The following TXNL4A variants were observed in gnomAD, a reference collection of about 807,000 sequenced individuals.
The protein encoded by TXNL4A is thioredoxin-like protein 4A.
Under a neutral mutation model 14.6 loss-of-function variants are expected in TXNL4A, and 17 were observed. The observed-to-expected ratio is 1.16, with a 90% CI of 0.80 to 1.74. The LOEUF (loss-of-function observed/expected upper bound fraction) is 1.74. TXNL4A is among the 40% of genes most tolerant of loss of function. TXNL4A has a pLI of 0.00. For missense variants in TXNL4A, 74 were observed against 195.2 expected (o/e 0.38, Z 3.70); for synonymous variants, 83 against 70.6 (o/e 1.18, Z -0.88).
chr18:80,008,410 C>T (rs1391724467), intron 1 of TXNL4A, among the ~76,000 whole-genome samples: 9 of 152,046 alleles, frequency 5.9e-5, no homozygotes, highest in African/African-American at 2.2e-4. Flanking sequence ...GCCTCCTCCG[C>T]ATTCTCCTCT....
chr18:80,015,431 T>A (rs971724808), intron 1 of TXNL4A, among the ~76,000 whole-genome samples: 3 of 151,508 alleles, frequency 2.0e-5, no homozygotes, highest in Non-Finnish European at 2.9e-5. Flanking sequence ...TACATATGTA[T>A]ACATGTGCCA....
chr18:80,016,738 C>T (rs1453388669), intron 1 of TXNL4A, among the ~76,000 whole-genome samples: 1 of 150,848 alleles, frequency 6.6e-6, no homozygotes, highest in African/African-American at 2.4e-5. Flanking sequence ...GTTTTGGTAC[C>T]AGTACCATGC....
intron 1 of TXNL4A, among the ~76,000 whole-genome samples, chr18:80,028,759 G>C (rs2051901548): frequency 6.6e-6 from 1 of 152,206 alleles, no homozygotes; most frequent in East Asian, 1.9e-4. Context: ...ACTGACAGCT[G>C]CTATGCTTCT....
chr18:80,000,088 A>T (rs931482602), intron 1 of TXNL4A, among the ~76,000 whole-genome samples: 1 of 152,214 alleles, frequency 6.6e-6, no homozygotes, highest in Non-Finnish European at 1.5e-5. Context: ...ACGGAGTAAT[A>T]CAGTAAATTG....
chr18:79,986,981 G>A lies in TXNL4A; in HGVS notation c.153+1259C>T, dbSNP rs374449884. On this transcript the variant is annotated intron_variant, in intron 1 of 2. Coordinates refer to ENST00000269601, the MANE Select transcript of TXNL4A (RefSeq NM_006701.5). ...CGTGTGAGAGAACTGCTGCTCTCCCGAATTCCCTAGGTCCCTCCTCAAGTC... is the reference window on the plus strand; with the variant it reads ...CGTGTGAGAGAACTGCTGCTCTCCCAAATTCCCTAGGTCCCTCCTCAAGTC... 7.2e-5 allele frequency among the ~76,000 whole-genome samples: 11 copies of A among 152,278 alleles called. No individual in the cohort carries two copies. In the East Asian group the frequency reaches 2.1e-3, roughly 29 times the overall value.
At chr18:79,985,933 C>G (rs1405886333) in intron 1 of TXNL4A, 1 of 152,130 alleles carries the variant, frequency 6.6e-6, no homozygotes, top group Non-Finnish European at 1.5e-5. Context: ...TCAAAAATTT[C>G]TGTTGAGCTT....
intron 1 of TXNL4A, among the ~76,000 whole-genome samples, chr18:80,028,335 T>C (rs564203665): frequency 1.3e-5 from 2 of 149,752 alleles, no homozygotes; most frequent in African/African-American, 5.0e-5. Flanking sequence ...GAGACCCTTC[T>C]AAACTCTCAT....
At chr18:80,001,621 G>C (rs575670238) in intron 1 of TXNL4A, among the ~76,000 whole-genome samples, 33 of 152,348 alleles carry the variant, frequency 2.2e-4, no homozygotes, top group African/African-American at 7.7e-4. Flanking sequence ...GTGTGACCCG[G>C]ATGTGAGACA....
chr18:79,988,801 T>C (rs2051600368), upstream of TXNL4A, among the ~76,000 whole-genome samples: 1 of 150,746 alleles, frequency 6.6e-6, no homozygotes, highest in African/African-American at 2.4e-5. Flanking sequence ...CGCCGTGCCC[T>C]GCCCCCACGC....
chr18:80,012,227 G>A (rs1451916932), intron 1 of TXNL4A, among the ~76,000 whole-genome samples: 2 of 152,210 alleles, frequency 1.3e-5, no homozygotes, highest in African/African-American at 2.4e-5. Flanking sequence ...GCTACTGCAT[G>A]TCCTATTCCT....
intron 1 of TXNL4A, among the ~76,000 whole-genome samples, chr18:79,999,691 A>G (rs767938529): frequency 6.6e-6 from 1 of 152,226 alleles, no homozygotes; most frequent in Non-Finnish European, 1.5e-5. Context: ...GCCCCAATCC[A>G]GAAAATGACC....
At chr18:80,030,121 A>C (rs952409024) in intron 1 of TXNL4A, among the ~76,000 whole-genome samples, 8 of 152,126 alleles carry the variant, frequency 5.3e-5, no homozygotes, top group African/African-American at 1.9e-4. Flanking sequence ...GTGGATTGTA[A>C]CTCCCACCAA....
chr18:79,977,768 A>G, intron 1 of TXNL4A, 67 bp from the exon 2 acceptor site: 2 of 1,086,592 alleles, frequency 1.8e-6, no homozygotes. Context: ...ATAGAAGCAC[A>G]TTTATAAAAA....
intron 1 of TXNL4A, among the ~76,000 whole-genome samples, chr18:79,980,290 G>C (rs971536950): frequency 6.6e-6 from 1 of 152,212 alleles, no homozygotes; most frequent in Non-Finnish European, 1.5e-5. Context: ...TGTGAGAGAA[G>C]TTTCTGTTGT....
At chr18:80,005,172 A>G (rs771982979) in intron 1 of TXNL4A, among the ~76,000 whole-genome samples, 9 of 152,200 alleles carry the variant, frequency 5.9e-5, no homozygotes, top group Non-Finnish European at 1.2e-4. Flanking sequence ...AACAGCATGC[A>G]GAGGGAAGGC....
intron 1 of TXNL4A, among the ~76,000 whole-genome samples, chr18:80,009,825 G>A (rs1229451762): frequency 6.6e-6 from 1 of 152,164 alleles, no homozygotes; most frequent in Non-Finnish European, 1.5e-5. Flanking sequence ...AGCTTGGGAG[G>A]GGCTGCGTGC....
chr18:80,003,765 A>C (rs977912584), intron 1 of TXNL4A, among the ~76,000 whole-genome samples: 1 of 152,348 alleles, frequency 6.6e-6, no homozygotes, highest in African/African-American at 2.4e-5. Flanking sequence ...TCACGGTTCC[A>C]CATTGCTGGG....
At chr18:79,986,514 G>C in intron 1 of TXNL4A, 1 of 929,044 alleles carries the variant, frequency 1.1e-6, no homozygotes, top group Non-Finnish European at 1.3e-6. Context: ...GTCCACTAGT[G>C]ATACAGTGAT....
chr18:80,013,423 A>AGCCTAC (rs2051785728), intron 1 of TXNL4A, among the ~76,000 whole-genome samples: 1 of 144,382 alleles, frequency 6.9e-6, no homozygotes, highest in African/African-American at 2.6e-5. Context: ...ACCTGGCCCC[A>AGCCTAC]TTAAATATTT....
Sources: gnomAD v4.1 joint callset for allele counts (sites outside exome capture counted in the v4.1 genomes callset) on GRCh38, gnomAD v4.1.1 for gene constraint, MANE v1.5 for transcripts, NCBI Gene and HGNC (gene_info 2026-07-23, HGNC 2026-07-21) for gene names.